Variants in PITPNM2 observed in about 807,000 individuals in gnomAD.
The protein encoded by PITPNM2 is phosphatidylinositol transfer protein membrane associated 2.
A neutral mutation model predicts 132.2 loss-of-function variants in PITPNM2; 35 were observed. The ratio of observed to expected loss-of-function variants is 0.26; its 90% CI spans 0.20 to 0.35. The LOEUF is 0.35. Ranked by LOEUF, PITPNM2 falls within the 10% of genes least tolerant of loss-of-function variation. PITPNM2 has a pLI of 1.00. For synonymous variants in PITPNM2, 738 were observed against 799.2 expected, an observed-to-expected ratio of 0.92 and a Z score of 1.29; for missense variants, 1,332 against 1,912.0, an observed-to-expected ratio of 0.70 and a Z score of 5.66.
intron 2 of PITPNM2, among the ~76,000 whole-genome samples, chr12:123,059,382 A>T (rs546383462): frequency 1.7e-3 from 265 of 152,352 alleles, no homozygotes; most frequent in Non-Finnish European, 2.6e-3. Context: ...CTGCCTGGGA[A>T]GCCAGATGCC....
intron 2 of PITPNM2, 68 bp from the exon 3 acceptor site, chr12:123,034,753 AG>A: frequency 1.6e-6 from 1 of 630,530 alleles, no homozygotes; most frequent in Non-Finnish European, 2.8e-6. Context: ...CATAGCACAG[AG>A]GAAAGGCCCG....
rs1040848517 is a variant in PITPNM2 at position 123,009,540 on chromosome 12, G to A, written c.643+310C>T. Among the ~76,000 whole-genome samples the A allele has an allele frequency of 6.6e-6, 1 of 152,226 alleles. No homozygotes were observed. The highest frequency in any genetic ancestry group is 2.4e-5 in the African/African-American group (1 of 41,454). Reference sequence around the variant, plus strand: ...CAGGGGCTACTCAGACCTGTGGAGTGTGGGCTACTCTTTATCAAATGCGAA... The same window carrying A: ...CAGGGGCTACTCAGACCTGTGGAGTATGGGCTACTCTTTATCAAATGCGAA... On this transcript the variant is annotated intron_variant, in intron 6 of 25. Transcript: ENST00000320201. The surrounding 1 kb of genome is among the most constrained non-coding windows in gnomAD (Gnocchi z 4.8).
rs145437742 is a variant in PITPNM2, at chr12:123,001,067, C to A, written c.1140G>T (p.Pro380=). ...DLMDKIESPE[P]EDTQDGLYRQ... Reference sequence around the variant, plus strand: ...AGACCTGCTGACCTTGTGTGTCTTCCGGCTCTGGGCTCTCGATCTTGTCCA... The same window carrying A: ...AGACCTGCTGACCTTGTGTGTCTTCAGGCTCTGGGCTCTCGATCTTGTCCA... The change falls in exon 9 of 26, where the codon CCG becomes CCT. Residue 380 remains proline (P), a synonymous_variant. Transcript: ENST00000320201. 3.1e-6 allele frequency: 5 copies of A among 1,614,096 alleles called. No homozygotes were observed. Among genetic ancestry groups the A allele is most frequent in the Non-Finnish European group, 4.2e-6 (5 of 1,179,972 alleles).
At chr12:123,041,185 G>T (rs2040459923) in intron 2 of PITPNM2, among the ~76,000 whole-genome samples, 1 of 152,202 alleles carries the variant, frequency 6.6e-6, no homozygotes, top group Non-Finnish European at 1.5e-5. Context: ...CCCAGCTGGG[G>T]TGTCTGTAGA....
At chr12:123,129,981 T>C (rs1050777981) in intron 1 of PITPNM2, among the ~76,000 whole-genome samples, 22 of 151,784 alleles carry the variant, frequency 1.4e-4, no homozygotes, top group African/African-American at 5.3e-4. Flanking sequence ...CATAGCTCAC[T>C]GCAGCCACAA....
rs1239363047 is a variant in PITPNM2 at position 122,996,797 on chromosome 12, G to A, written c.1586C>T (p.Ala529Val). The A allele has an allele frequency of 1.2e-6, 2 of 1,610,068 alleles. No homozygotes were observed. The highest frequency in any genetic ancestry group is 1.3e-5 in the African/African-American group (1 of 74,718). The change falls in exon 12 of 26, where the codon GCC becomes GTC. Residue 529 changes from alanine to valine, a missense_variant. Coordinates refer to ENST00000320201, the MANE Select transcript of PITPNM2 (RefSeq NM_020845.3). Reference sequence around the variant, plus strand: ...AAGGTTGGCTCGCTGAATCACTGTGGCAACTGCCTCCTGGTACTGGGGGGA... The same window carrying A: ...AAGGTTGGCTCGCTGAATCACTGTGACAACTGCCTCCTGGTACTGGGGGGA... ...TSSPQYQEAV[A>V]TVIQRANLAY...
At position 122,995,640 on chromosome 12, in the gene PITPNM2, CG is replaced by C; in HGVS notation, c.1802del (p.Pro601ArgfsTer4). 1 of 1,599,590 alleles carries C rather than the reference CG, an allele frequency of 6.3e-7. No homozygotes were observed. On this transcript the variant is annotated frameshift_variant, in exon 14 of 26. Transcript: ENST00000320201. LOFTEE classifies it high-confidence loss of function. Reference protein sequence around the residue: ...VSMQDNDLLSPGILMNAAHCC... With the variant: ...VSMQDNDLLSXGILMNAAHCC... ...AGTGTGCTGCATTCATCAGGATGCC[CG>C]GGGACAGCAGGTCATTGTCCTGGAA...
intron 2 of PITPNM2, chr12:123,092,832 A>G (rs1192558708): frequency 6.6e-6 from 1 of 152,016 alleles, no homozygotes; most frequent in East Asian, 1.9e-4. Context: ...TTGCCTCCCT[A>G]CCTCGACCTC....
chr12:123,002,331 G>A (rs540023610), intron 8 of PITPNM2, among the ~76,000 whole-genome samples: 12 of 152,200 alleles, frequency 7.9e-5, no homozygotes, highest in African/African-American at 2.2e-4. Flanking sequence ...GTGAGACTCC[G>A]TCTCAAAAAT....
intron 2 of PITPNM2, among the ~76,000 whole-genome samples, chr12:123,040,293 T>C (rs1482738808): frequency 2.0e-5 from 3 of 152,106 alleles, no homozygotes; most frequent in South Asian, 2.1e-4. Context: ...TAAAAAAGCT[T>C]TGGAAGTGGT....
rs2040102153 is a variant in PITPNM2, at chr12:123,031,849, G to A, written c.78+2664C>T. On this transcript the variant is annotated intron_variant, in intron 3 of 25. Coordinates refer to ENST00000320201, the MANE Select transcript of PITPNM2 (RefSeq NM_020845.3). This position sits in a 1 kb window ranked among gnomAD's most constrained non-coding sequence, Gnocchi z 4.5. ...ACACATGCTTGCTCACCCAGAAGGT[G>A]CACAGGGAAAGGCTCTGGAAGCTCA... is the stretch of plus-strand genomic sequence containing the variant. Among the ~76,000 whole-genome samples the A allele has an allele frequency of 6.6e-6, 1 of 152,218 alleles. No individual in the cohort carries two copies. The highest frequency in any genetic ancestry group is 1.5e-5 in the Non-Finnish European group (1 of 68,036).
chr12:123,057,580 G>C (rs2041077317), intron 2 of PITPNM2, among the ~76,000 whole-genome samples: 1 of 152,140 alleles, frequency 6.6e-6, no homozygotes, highest in Non-Finnish European at 1.5e-5. Context: ...CAGGACCTGT[G>C]GTTTCTAAGT....
chr12:123,021,520 G>C (rs1312165734), intron 3 of PITPNM2, among the ~76,000 whole-genome samples: 4 of 152,134 alleles, frequency 2.6e-5, no homozygotes, highest in African/African-American at 9.7e-5. Flanking sequence ...TTTTTGTAGA[G>C]TGCCTTGGTC....
chr12:123,020,921 T>G (rs2039642957), intron 3 of PITPNM2, among the ~76,000 whole-genome samples: 1 of 150,672 alleles, frequency 6.6e-6, no homozygotes. Context: ...TCCCAGCTAC[T>G]TGGAAGGCTG....
At chr12:122,990,477 A>C in intron 17 of PITPNM2, 68 bp downstream of exon 17, 7 of 1,579,808 alleles carry the variant, frequency 4.4e-6, no homozygotes, top group Non-Finnish European at 6.0e-6. Flanking sequence ...AGACATGGCC[A>C]GCAGCTGTCC....
chr12:123,096,371 G>GC (rs1270721068), intron 2 of PITPNM2, among the ~76,000 whole-genome samples: 1 of 152,198 alleles, frequency 6.6e-6, no homozygotes, highest in African/African-American at 2.4e-5. Context: ...TGACTGCACA[G>GC]CAACCATATT....
intron 1 of PITPNM2, among the ~76,000 whole-genome samples, chr12:123,122,299 C>G (rs1414854927): frequency 1.3e-5 from 2 of 152,038 alleles, no homozygotes; most frequent in Non-Finnish European, 2.9e-5. Flanking sequence ...CCCGTCCCTA[C>G]TAAAATACAA....
chr12:123,067,830 AT>A (rs2041478378), intron 2 of PITPNM2, among the ~76,000 whole-genome samples: 7 of 152,174 alleles, frequency 4.6e-5, no homozygotes, highest in Admixed American at 4.6e-4. Flanking sequence ...CTGACCACAT[AT>A]AGGTCAGCTA....
chr12:122,987,872 A>G lies in PITPNM2; in HGVS notation c.3027T>C (p.Asp1009=). ...RNVTANHRIN[D]ALANEDGPQV... ...GGGGGCCGTCCTCATTGGCAAGGGCATCATTGATCCGGTGGTTGGCCGTCA... is the reference window on the plus strand; with the variant it reads ...GGGGGCCGTCCTCATTGGCAAGGGCGTCATTGATCCGGTGGTTGGCCGTCA... Residue 1009 remains aspartate, a synonymous_variant, in exon 21 of 26, where the codon GAT becomes GAC. Transcript: ENST00000320201. 6.2e-7 allele frequency: 1 copy of G among 1,613,434 alleles called. No individual in the cohort carries two copies. The highest frequency in any genetic ancestry group is 1.1e-5 in the South Asian group (1 of 90,998).
Sources: allele counts gnomAD v4.1 joint callset (sites outside exome capture counted in the v4.1 genomes callset), GRCh38; gene constraint gnomAD v4.1.1; non-coding constraint Gnocchi (gnomAD v3.1); transcripts MANE v1.5; gene names NCBI Gene and HGNC (gene_info 2026-07-23, HGNC 2026-07-21).